PRKCE: variants seen among roughly 807,000 people sequenced by gnomAD.
PRKCE encodes the protein protein kinase C epsilon, also known as protein kinase C epsilon type.
In PRKCE, 16 loss-of-function variants were observed where a neutral mutation model predicts 85.4. That is an observed-to-expected ratio of 0.19 (90% CI 0.13 to 0.28). The LOEUF (loss-of-function observed/expected upper bound fraction) is 0.28. Among genes scored for constraint, PRKCE ranks in the 10% least tolerant of loss-of-function variants. PRKCE has a pLI of 1.00. For synonymous variants in PRKCE, 388 were observed against 371.5 expected (o/e 1.04, Z -0.51); for missense variants, 573 against 975.2 (o/e 0.59, Z 5.49).
intron 10 of PRKCE, among the ~76,000 whole-genome samples, chr2:46,026,373 G>C (rs1190932540): frequency 6.6e-6 from 1 of 152,156 alleles, no homozygotes; most frequent in Non-Finnish European, 1.5e-5. Flanking sequence ...TCGGGAGTAT[G>C]GGCAGTTAGA....
chr2:46,078,401 A>T (rs980653607), intron 10 of PRKCE: 1 of 151,564 alleles, frequency 6.6e-6, no homozygotes, highest in Non-Finnish European at 1.5e-5. Context: ...TTAGCTGGAC[A>T]TGGTGGCACA....
intron 2 of PRKCE, among the ~76,000 whole-genome samples, chr2:45,894,230 G>A (rs1002359082): frequency 1.3e-5 from 2 of 152,024 alleles, no homozygotes; most frequent in Non-Finnish European, 2.9e-5. Context: ...GCACTCAGTA[G>A]CAGAATCACT....
chr2:45,989,450 C>T (rs1037639307), intron 6 of PRKCE, among the ~76,000 whole-genome samples: 1 of 152,116 alleles, frequency 6.6e-6, no homozygotes, highest in Admixed American at 6.5e-5. Context: ...TTGGGTACTG[C>T]CTAGCTGGGA....
At position 45,658,285 on chromosome 2, in the gene PRKCE, C is replaced by T. The variant is rs376903939; in HGVS notation, c.348+5837C>T. ...TCCATAGCTGGTTGTTTAACAACTA[C>T]CCAAAGGATTCATTCTTGGCCCAGT... On this transcript the variant is annotated intron_variant, in intron 1 of 14. Transcript: ENST00000306156. Among the ~76,000 whole-genome samples the T allele has an allele frequency of 3.3e-5, 5 of 152,316 alleles. No homozygotes were observed. In the South Asian group the frequency reaches 1.0e-3, roughly 32 times the overall value.
intron 2 of PRKCE, among the ~76,000 whole-genome samples, chr2:45,949,815 T>C (rs1203195094): frequency 6.6e-6 from 1 of 152,084 alleles, no homozygotes; most frequent in Non-Finnish European, 1.5e-5. Flanking sequence ...TCTGTCCCGC[T>C]GATACACCAT....
intron 2 of PRKCE, among the ~76,000 whole-genome samples, chr2:45,886,609 G>T (rs990365461): frequency 2.0e-5 from 3 of 152,226 alleles, no homozygotes; most frequent in African/African-American, 7.2e-5. Context: ...TACAGCTGAC[G>T]TGATAACAGT....
chr2:46,133,362 G>A (rs1244286807), intron 11 of PRKCE, among the ~76,000 whole-genome samples: 1 of 152,100 alleles, frequency 6.6e-6, no homozygotes, highest in African/African-American at 2.4e-5. Flanking sequence ...TTCTCCCTCT[G>A]GTTTTAGAAC....
intron 1 of PRKCE, among the ~76,000 whole-genome samples, chr2:45,711,103 A>G (rs1241911973): frequency 1.3e-5 from 2 of 152,222 alleles, no homozygotes; most frequent in Non-Finnish European, 2.9e-5. Context: ...CAGAGCACGA[A>G]CTTTGCAGTC....
At chr2:45,902,488 C>A (rs922992233) in intron 2 of PRKCE, among the ~76,000 whole-genome samples, 1 of 152,142 alleles carries the variant, frequency 6.6e-6, no homozygotes, top group African/African-American at 2.4e-5. Flanking sequence ...AAAATACTAG[C>A]AAAAGTCAAA....
At chr2:45,942,577 G>T (rs1699962946) in intron 2 of PRKCE, among the ~76,000 whole-genome samples, 2 of 152,206 alleles carry the variant, frequency 1.3e-5, no homozygotes. Flanking sequence ...GGCGTAGGGT[G>T]TGCACTCAGT....
intron 14 of PRKCE, among the ~76,000 whole-genome samples, chr2:46,179,678 G>A (rs1679779964): frequency 6.6e-6 from 1 of 152,170 alleles, no homozygotes; most frequent in Non-Finnish European, 1.5e-5. Flanking sequence ...GAACCTGTTT[G>A]TTTCTATCTT....
At chr2:45,814,898 G>T (rs139230108) in intron 1 of PRKCE, among the ~76,000 whole-genome samples, 1 of 152,286 alleles carries the variant, frequency 6.6e-6, no homozygotes, top group African/African-American at 2.4e-5. Flanking sequence ...AGGGTCCCGT[G>T]CTTTGGAGGC....
chr2:46,081,964 C>T (rs1669120788), intron 10 of PRKCE, among the ~76,000 whole-genome samples: 1 of 152,096 alleles, frequency 6.6e-6, no homozygotes. Flanking sequence ...GGCATGGTGG[C>T]ATTTGCCTTA....
Position 45,884,982 on chromosome 2 carries a change from TATATATATA to T in PRKCE, c.412+41920_412+41928del, listed in dbSNP as rs1558793092. On this transcript the variant is annotated intron_variant, in intron 2 of 14. Transcript: ENST00000306156. ...ATATATATATATATATATATATATA[TATATATATA>T]TATATATATATTTGTTGTTGTTGTT... Among the ~76,000 whole-genome samples the T allele has an allele frequency of 2.1e-4, 15 of 72,254 alleles. 2 individuals carry two copies. In the East Asian group the frequency reaches 4.8e-3, roughly 23 times the overall value. The allele number at this position is 72,254 out of a possible 152,430, so 47.4% of individuals were successfully genotyped here. A position where few individuals can be genotyped will look rare whatever the true frequency, so the allele number is the denominator to read the frequency against.
chr2:45,805,974 C>T (rs896041462), intron 1 of PRKCE, among the ~76,000 whole-genome samples: 3 of 152,214 alleles, frequency 2.0e-5, no homozygotes, highest in African/African-American at 7.2e-5. Context: ...GGTCAAGGAG[C>T]TTGCCCAAGG....
chr2:45,819,864 G>A (rs957125738), intron 1 of PRKCE, among the ~76,000 whole-genome samples: 1 of 152,216 alleles, frequency 6.6e-6, no homozygotes, highest in Non-Finnish European at 1.5e-5. Flanking sequence ...TAAGACTACA[G>A]TGAAGCAACA....
At chr2:46,112,831 G>A (rs1212053326) in intron 11 of PRKCE, among the ~76,000 whole-genome samples, 1 of 151,930 alleles carries the variant, frequency 6.6e-6, no homozygotes, top group African/African-American at 2.4e-5. Context: ...CTTTATCACT[G>A]TTTTCTATTT....
At chr2:45,875,034 C>A (rs1161349024) in intron 2 of PRKCE, among the ~76,000 whole-genome samples, 1 of 151,960 alleles carries the variant, frequency 6.6e-6, no homozygotes, top group Non-Finnish European at 1.5e-5. Flanking sequence ...TATACACATA[C>A]CCACATTACA....
At chr2:45,769,588 G>C (rs1299536847) in intron 1 of PRKCE, among the ~76,000 whole-genome samples, 1 of 152,180 alleles carries the variant, frequency 6.6e-6, no homozygotes, top group African/African-American at 2.4e-5. Flanking sequence ...ATTTCTCACT[G>C]ATATTAAGTT....
Sources: allele counts gnomAD v4.1 joint callset (sites outside exome capture counted in the v4.1 genomes callset), GRCh38; gene constraint gnomAD v4.1.1; transcripts MANE v1.5; gene names NCBI Gene and HGNC (gene_info 2026-07-23, HGNC 2026-07-21).